Variants in SH3KBP1 observed in about 807,000 individuals in gnomAD.
SH3KBP1 encodes the protein SH3 domain containing kinase binding protein 1, also known as SH3 domain-containing kinase-binding protein 1.
Under a neutral mutation model 50.1 loss-of-function variants are expected in SH3KBP1, and 8 were observed. That is an observed-to-expected ratio of 0.16 (90% CI 0.09 to 0.29). SH3KBP1 has a LOEUF of 0.29. Among genes scored for constraint, SH3KBP1 ranks in the 10% least tolerant of loss-of-function variants. The pLI is 1.00. For synonymous variants in SH3KBP1, 227 were observed against 218.6 expected, an observed-to-expected ratio of 1.04 and a Z score of -0.34; for missense variants, 377 against 535.2, an observed-to-expected ratio of 0.70 and a Z score of 2.92.
At chrX:19,774,405 C>T (rs2065895389) in intron 2 of SH3KBP1, among the ~76,000 whole-genome samples, 1 of 110,954 alleles carries the variant, frequency 9.0e-6, no homozygotes, top group South Asian at 3.7e-4. Flanking sequence ...GGCGCGGTGG[C>T]TCACACCTTT....
intron 16 of SH3KBP1, among the ~76,000 whole-genome samples, chrX:19,541,071 C>T (rs900032829): frequency 3.6e-5 from 4 of 111,226 alleles, no homozygotes; most frequent in South Asian, 3.8e-4. Flanking sequence ...CACGCCACCA[C>T]GCCCAACTAA....
At chrX:19,679,237 T>G (rs2062993077) in intron 6 of SH3KBP1, among the ~76,000 whole-genome samples, 1 of 112,001 alleles carries the variant, frequency 8.9e-6, no homozygotes, top group Admixed American at 9.4e-5. Flanking sequence ...TATTATTGTT[T>G]ATTTACTTTT....
chrX:19,592,184 T>C, intron 10 of SH3KBP1, 37 bp from the exon 11 acceptor site: 1 of 1,054,620 alleles, frequency 9.5e-7, no homozygotes, highest in Non-Finnish European at 1.3e-6. Context: ...ACAAAATGTT[T>C]TCTGTACTCA....
At chrX:19,768,567 G>A (rs1194715663) in intron 2 of SH3KBP1, among the ~76,000 whole-genome samples, 1 of 100,582 alleles carries the variant, frequency 9.9e-6, no homozygotes, top group Non-Finnish European at 2.0e-5. Context: ...TTATCTTGGA[G>A]CTAGATAATA....
rs968525551 is a variant in SH3KBP1 at position 19,720,562 on chromosome X, G to T, written c.287-13578C>A. ...ATTTCAAAGGAAAAATTGAAGGAAG[G>T]TTCTAAATGTAAGTTATTTATTGAG... is the stretch of plus-strand genomic sequence containing the variant. On this transcript the variant is annotated intron_variant, in intron 3 of 17. Coordinates refer to ENST00000397821, the MANE Select transcript of SH3KBP1 (RefSeq NM_031892.3). Among the ~76,000 whole-genome samples, 6 of 111,865 alleles carry T rather than the reference G, an allele frequency of 5.4e-5. No individual in the cohort carries two copies. The East Asian group carries it at 8.4e-4, about 16-fold the overall frequency.
At chrX:19,612,341 C>A (rs1037853905) in intron 8 of SH3KBP1, among the ~76,000 whole-genome samples, 8 of 111,856 alleles carry the variant, frequency 7.2e-5, no homozygotes, top group Non-Finnish European at 1.3e-4. Flanking sequence ...CGGCTCACTG[C>A]AACCTCTGTC....
chrX:19,770,749 G>A (rs553956459), intron 2 of SH3KBP1, among the ~76,000 whole-genome samples: 189 of 107,419 alleles, frequency 1.8e-3, no homozygotes, highest in Middle Eastern at 4.7e-3. Context: ...TCTGACTGGT[G>A]TGAGATGGTA....
chrX:19,618,884 T>C (rs1046878446), intron 8 of SH3KBP1, among the ~76,000 whole-genome samples: 3 of 108,371 alleles, frequency 2.8e-5, no homozygotes, highest in African/African-American at 1.0e-4. Flanking sequence ...GAGGATCACC[T>C]GAGCCCAGAA....
At chrX:19,739,329 A>T (rs756351935) in intron 3 of SH3KBP1, among the ~76,000 whole-genome samples, 2 of 112,423 alleles carry the variant, frequency 1.8e-5, no homozygotes, top group Non-Finnish European at 3.8e-5. Context: ...ACAACAATGA[A>T]GCCAAAAAGT....
chrX:19,872,869 C>G (rs1340726188), intron 1 of SH3KBP1, among the ~76,000 whole-genome samples: 1 of 106,634 alleles, frequency 9.4e-6, no homozygotes, highest in Non-Finnish European at 1.9e-5. Context: ...ACACACAGAG[C>G]ACATATAAAA....
chrX:19,658,719 C>T (rs1024504498), intron 6 of SH3KBP1, among the ~76,000 whole-genome samples: 4 of 109,670 alleles, frequency 3.6e-5, no homozygotes, highest in East Asian at 5.8e-4. Context: ...CCACCACGCC[C>T]GGCTAATTTT....
At chrX:19,848,602 C>G (rs765164076) in intron 1 of SH3KBP1, among the ~76,000 whole-genome samples, 2 of 112,381 alleles carry the variant, frequency 1.8e-5, no homozygotes, top group African/African-American at 6.5e-5. Context: ...ATTTGTCCTG[C>G]CTTTCCTATA....
At chrX:19,556,328 T>C (rs774952406) in intron 13 of SH3KBP1, among the ~76,000 whole-genome samples, 1 of 108,426 alleles carries the variant, frequency 9.2e-6, no homozygotes, top group African/African-American at 3.4e-5. Context: ...GAGAAAACTC[T>C]AAACCCACAG....
chrX:19,572,332 A>G (rs2066045846), intron 12 of SH3KBP1, among the ~76,000 whole-genome samples: 2 of 105,637 alleles, frequency 1.9e-5, no homozygotes, highest in African/African-American at 6.9e-5. Flanking sequence ...GTACATATAT[A>G]TGTTATATAT....
At chrX:19,676,964 G>A (rs766442224) in intron 6 of SH3KBP1, among the ~76,000 whole-genome samples, 1 of 112,445 alleles carries the variant, frequency 8.9e-6, no homozygotes, top group Admixed American at 9.4e-5. Flanking sequence ...CCATGGGAAA[G>A]AAGCTTCTTG....
At chrX:19,606,861 G>C (rs1354848243) in intron 9 of SH3KBP1, among the ~76,000 whole-genome samples, 2 of 111,628 alleles carry the variant, frequency 1.8e-5, no homozygotes, top group African/African-American at 6.5e-5. Flanking sequence ...CCCAAACTCA[G>C]ACTCCAAGAG....
At chrX:19,619,194 T>C (rs1441482667) in intron 8 of SH3KBP1, among the ~76,000 whole-genome samples, 1 of 111,559 alleles carries the variant, frequency 9.0e-6, no homozygotes, top group Non-Finnish European at 1.9e-5. Flanking sequence ...GAGAATTGCT[T>C]GAACCCAGGA....
Position 19,645,434 on chromosome X carries a change from G to A in SH3KBP1, c.768C>T (p.Asp256=). The change falls in exon 7 of 18, where the codon GAC becomes GAT. Residue 256 remains aspartate (D), a synonymous_variant. Coordinates refer to ENST00000397821, the MANE Select transcript of SH3KBP1 (RefSeq NM_031892.3). ...KKLPATTATP[D]SSKTEMDSRT... ...TGCTGTCCATTTCTGTTTTTGATGA[G>A]TCTGGAGTTGCTGTAGTTGCAGGTA... The A allele has an allele frequency of 3.3e-6, 4 of 1,206,320 alleles. No individual in the cohort carries two copies. Among genetic ancestry groups the A allele is most frequent in the Non-Finnish European group, 4.5e-6 (4 of 890,634 alleles).
At chrX:19,643,202 G>A (rs758211156) in intron 7 of SH3KBP1, among the ~76,000 whole-genome samples, 1 of 110,149 alleles carries the variant, frequency 9.1e-6, no homozygotes, top group Admixed American at 9.7e-5. Flanking sequence ...GGCTTCTTAG[G>A]GGTCTGGGGT....
Sources: gnomAD v4.1 joint callset for allele counts (sites outside exome capture counted in the v4.1 genomes callset) on GRCh38, gnomAD v4.1.1 for gene constraint, MANE v1.5 for transcripts, NCBI Gene and HGNC (gene_info 2026-07-23, HGNC 2026-07-21) for gene names.